GAS7: variants seen among roughly 807,000 people sequenced by gnomAD.
The protein encoded by GAS7 is growth arrest specific 7, also known as growth arrest-specific protein 7.
A neutral mutation model predicts 71.1 loss-of-function variants in GAS7; 28 were observed. The observed-to-expected ratio is 0.39, with a 90% CI of 0.29 to 0.54. The LOEUF (loss-of-function observed/expected upper bound fraction) is 0.54. Among genes scored for constraint, GAS7 ranks in the 20% least tolerant of loss-of-function variants. The pLI is 0.62. For missense variants in GAS7, 436 were observed against 627.8 expected (o/e 0.69, Z 3.27); for synonymous variants, 258 against 245.8 (o/e 1.05, Z -0.46).
chr17:10,017,565 G>C (rs2072090629), intron 2 of GAS7, among the ~76,000 whole-genome samples: 1 of 152,166 alleles, frequency 6.6e-6, no homozygotes, highest in Non-Finnish European at 1.5e-5. Context: ...CTGACCTCAA[G>C]TGATCCACCT....
At chr17:10,118,704 C>CAAAAAA (rs34461299) in intron 1 of GAS7, among the ~76,000 whole-genome samples, 2 of 70,112 alleles carry the variant, frequency 2.9e-5, no homozygotes, top group Non-Finnish European at 5.1e-5. Flanking sequence ...ACTCTGTCTC[C>CAAAAAA]AAAAAAAAAA....
chr17:10,157,787 T>A (rs1379949155), intron 1 of GAS7, among the ~76,000 whole-genome samples: 1 of 152,152 alleles, frequency 6.6e-6, no homozygotes, highest in Non-Finnish European at 1.5e-5. Flanking sequence ...CCCTTAGGCA[T>A]ATCACCCTTA....
chr17:9,955,745 C>T (rs995539142), intron 5 of GAS7, among the ~76,000 whole-genome samples: 4 of 152,184 alleles, frequency 2.6e-5, no homozygotes, highest in African/African-American at 4.8e-5. Context: ...GAGAGGGGCA[C>T]GCCTCCCCGT....
chr17:10,032,823 A>G (rs1347180968), intron 1 of GAS7, among the ~76,000 whole-genome samples: 1 of 152,210 alleles, frequency 6.6e-6, no homozygotes, highest in Non-Finnish European at 1.5e-5. Context: ...CCTTTCATTT[A>G]CTCAACCAAA....
chr17:10,184,910 A>G (rs911605526), intron 1 of GAS7, among the ~76,000 whole-genome samples: 9 of 144,852 alleles, frequency 6.2e-5, no homozygotes, highest in African/African-American at 2.6e-5. Flanking sequence ...CTGGAGACCA[A>G]GCTCTATAAA....
At chr17:10,141,402 C>G (rs543075070) in intron 1 of GAS7, among the ~76,000 whole-genome samples, 1 of 151,768 alleles carries the variant, frequency 6.6e-6, no homozygotes, top group South Asian at 2.1e-4. Flanking sequence ...GAGGCAAGAT[C>G]GCACCGGTGC....
chr17:10,196,157 G>A (rs140471918), intron 1 of GAS7, among the ~76,000 whole-genome samples: 22 of 152,238 alleles, frequency 1.4e-4, no homozygotes, highest in Non-Finnish European at 2.2e-4. Flanking sequence ...CAGACCCTTC[G>A]CTCACACGCT....
intron 2 of GAS7, among the ~76,000 whole-genome samples, chr17:9,990,054 G>A (rs902695874): frequency 6.6e-6 from 1 of 152,168 alleles, no homozygotes; most frequent in Non-Finnish European, 1.5e-5. Context: ...CGGATCATGA[G>A]GTCAGGAGAT....
At chr17:10,059,545 G>A (rs1014890204) in intron 1 of GAS7, 1 of 211,618 alleles carries the variant, frequency 4.7e-6, no homozygotes, top group Non-Finnish European at 8.2e-6. Context: ...CCCCCCCAGA[G>A]CAGAGCCAAA....
intron 9 of GAS7, among the ~76,000 whole-genome samples, chr17:9,927,334 C>CACACAA (rs1555589741): frequency 6.7e-5 from 10 of 148,312 alleles, no homozygotes; most frequent in Non-Finnish European, 1.5e-4. Flanking sequence ...CACACACACA[C>CACACAA]AAATTAGCTG....
At chr17:9,930,240 G>C (rs1227379407) in intron 9 of GAS7, among the ~76,000 whole-genome samples, 1 of 152,198 alleles carries the variant, frequency 6.6e-6, no homozygotes, top group African/African-American at 2.4e-5. Context: ...GCAGATATCG[G>C]AGTGGATACC....
chr17:10,179,333 C>CA (rs569480598), intron 1 of GAS7, among the ~76,000 whole-genome samples: 1,701 of 139,646 alleles, frequency 0.012, 19 homozygotes, highest in Middle Eastern at 0.022. Context: ...AACTCCATCT[C>CA]AAAAAAAAAA....
rs984586967 is a variant in GAS7 at position 9,916,607 on chromosome 17, C to T, written c.*621G>A. The T allele has an allele frequency of 7.3e-6, 2 of 274,950 alleles. No homozygotes were observed. The highest frequency in any genetic ancestry group is 6.8e-6 in the Non-Finnish European group (1 of 146,728). The allele number at this position is 274,950 out of a possible 1,614,324, so 17.0% of individuals were successfully genotyped here. ...GCCGAATGAGGTAGTTCCATCCTGACCTCTCCAGGCATGGTGGGTCTGGGA... is the reference window on the plus strand; with the variant it reads ...GCCGAATGAGGTAGTTCCATCCTGATCTCTCCAGGCATGGTGGGTCTGGGA... On this transcript the variant is annotated 3_prime_UTR_variant, in exon 14 of 14. Coordinates refer to ENST00000432992, the MANE Select transcript of GAS7 (RefSeq NM_201433.2).
At chr17:10,096,325 C>G (rs1465721976) in intron 1 of GAS7, among the ~76,000 whole-genome samples, 1 of 152,220 alleles carries the variant, frequency 6.6e-6, no homozygotes, top group Non-Finnish European at 1.5e-5. Context: ...CTGTACTCAA[C>G]TGCCAAGATC....
chr17:10,129,013 T>C (rs2073975602), intron 1 of GAS7, among the ~76,000 whole-genome samples: 1 of 152,160 alleles, frequency 6.6e-6, no homozygotes, highest in Non-Finnish European at 1.5e-5. Context: ...TCAGCAGACA[T>C]ATATGAGAAG....
Position 9,944,908 on chromosome 17 carries a change from T to G in GAS7, c.616-1672A>C, listed in dbSNP as rs147874719. Among the ~76,000 whole-genome samples, 72 of 152,336 alleles carry G rather than the reference T, an allele frequency of 4.7e-4. 1 individual carries two copies. The East Asian group carries it at 0.012, about 26-fold the overall frequency. On this transcript the variant is annotated intron_variant, in intron 6 of 13. Coordinates refer to ENST00000432992, the MANE Select transcript of GAS7 (RefSeq NM_201433.2). ...ACCAGCCAGAAGAAACAGGCTTTAA[T>G]GACTGTGTCAGGAGAGAGAAATTTC...
chr17:9,943,286 G>A (rs1485419484), intron 6 of GAS7, 50 bp from the exon 7 acceptor site: 2 of 1,092,970 alleles, frequency 1.8e-6, no homozygotes, highest in Admixed American at 3.4e-5. Flanking sequence ...TGAGTCTGGA[G>A]CCAGGGAGAA....
chr17:10,079,677 T>C (rs2073436104), intron 1 of GAS7, among the ~76,000 whole-genome samples: 1 of 152,218 alleles, frequency 6.6e-6, no homozygotes, highest in Non-Finnish European at 1.5e-5. Context: ...ATTTGACTGA[T>C]CATATCTCCC....
rs1235368434 is a variant in GAS7 at position 9,912,154 on chromosome 17, C to T, written c.*5074G>A. ...CTTTGGGGGGTCCTAGGAGAAACTACCTCATTCTTAACAGCTCATAAAACT... is the reference window on the plus strand; with the variant it reads ...CTTTGGGGGGTCCTAGGAGAAACTATCTCATTCTTAACAGCTCATAAAACT... On this transcript the variant is annotated 3_prime_UTR_variant, in exon 14 of 14. Coordinates refer to ENST00000432992, the MANE Select transcript of GAS7 (RefSeq NM_201433.2). The T allele has an allele frequency of 4.3e-6, 1 of 232,374 alleles. No individual in the cohort carries two copies. Among genetic ancestry groups the T allele is most frequent in the Non-Finnish European group, 8.5e-6 (1 of 117,572 alleles). 14.4% of individuals were successfully genotyped at this position (232,374 alleles called of 1,614,324 possible).
Sources: gnomAD v4.1 joint callset for allele counts (sites outside exome capture counted in the v4.1 genomes callset) on GRCh38, gnomAD v4.1.1 for gene constraint, MANE v1.5 for transcripts, NCBI Gene and HGNC (gene_info 2026-07-23, HGNC 2026-07-21) for gene names.